The following SIN3B variants were observed in gnomAD, a reference collection of about 807,000 sequenced individuals.
The protein encoded by SIN3B is paired amphipathic helix protein Sin3b.
In SIN3B, 19 loss-of-function variants were observed where a neutral mutation model predicts 120.2. That is an observed-to-expected ratio of 0.16 (90% CI 0.11 to 0.23). The LOEUF is 0.23. SIN3B is among the 10% of genes least tolerant of loss of function. SIN3B has a pLI of 1.00. For synonymous variants in SIN3B, 654 were observed against 653.2 expected, an observed-to-expected ratio of 1.00 and a Z score of -0.02; for missense variants, 1,073 against 1,573.0, an observed-to-expected ratio of 0.68 and a Z score of 5.38.
chr19:16,854,449 T>G, intron 8 of SIN3B, 188 bp downstream of exon 8: 1 of 548,062 alleles, frequency 1.8e-6, no homozygotes. Flanking sequence ...CTGGGTACCC[T>G]CCAGCTGGTT....
intron 11 of SIN3B, 98 bp from the exon 12 acceptor site, chr19:16,866,275 C>T (rs1296668666): frequency 2.4e-6 from 3 of 1,251,000 alleles, no homozygotes; most frequent in Non-Finnish European, 3.3e-6. Flanking sequence ...GGGTCCTGGA[C>T]CCCCAGTCAA....
intron 9 of SIN3B, 34 bp from the exon 10 acceptor site, chr19:16,863,646 G>A (rs371358286): frequency 2.2e-6 from 3 of 1,385,506 alleles, no homozygotes; most frequent in African/African-American, 2.8e-5. Flanking sequence ...CCTGGGGCAT[G>A]CAGCGTCATT....
Position 16,876,433 on chromosome 19 carries a change from G to C in SIN3B, c.2767-53G>C, listed in dbSNP as rs2051608150. On this transcript the variant is annotated intron_variant, in intron 15 of 18. Coordinates refer to ENST00000248054, the MANE Select transcript of SIN3B (RefSeq NM_001297595.2). The surrounding 1 kb of genome is among the most constrained non-coding windows in gnomAD (Gnocchi z 7.1). ...GCGGGTGGCCTTGCGAGCCTGCGCT[G>C]TGCCGGCTGGGCTGTGCCGGCAGTG... The C allele has an allele frequency of 6.3e-7, 1 of 1,580,798 alleles. No homozygotes were observed. Among genetic ancestry groups the C allele is most frequent in the East Asian group, 2.2e-5 (1 of 44,612 alleles).
intron 5 of SIN3B, among the ~76,000 whole-genome samples, chr19:16,849,460 G>A (rs756405175): frequency 2.9e-4 from 44 of 152,178 alleles, no homozygotes; most frequent in Non-Finnish European, 5.9e-4. Context: ...AAAATGAATG[G>A]GCATGACTGG....
chr19:16,854,373 G>T (rs1323204919), intron 8 of SIN3B, 112 bp downstream of exon 8: 5 of 682,610 alleles, frequency 7.3e-6, no homozygotes, highest in Non-Finnish European at 1.3e-5. Flanking sequence ...CTAAAATCCT[G>T]TTTATTAATT....
intron 1 of SIN3B, 61 bp from the exon 2 acceptor site, chr19:16,829,730 C>T (rs1352309760): frequency 6.8e-7 from 1 of 1,475,646 alleles, no homozygotes; most frequent in African/African-American, 1.4e-5. Flanking sequence ...CTCAGGGACC[C>T]CGGCCCCTCG....
intron 8 of SIN3B, among the ~76,000 whole-genome samples, chr19:16,857,545 GTGTGTGTGTATA>G (rs956949101): frequency 7.0e-6 from 1 of 143,592 alleles, no homozygotes; most frequent in African/African-American, 2.6e-5. Context: ...GTGTGTGTGT[GTGTGTGTGTATA>G]TATACACATA....
At chr19:16,835,914 T>G (rs1971342179) in intron 3 of SIN3B, among the ~76,000 whole-genome samples, 1 of 152,222 alleles carries the variant, frequency 6.6e-6, no homozygotes, top group Admixed American at 6.5e-5. Context: ...GTTTTGGGAT[T>G]ACAGGTGTGA....
At chr19:16,870,485 A>G (rs1339387196) in intron 13 of SIN3B, among the ~76,000 whole-genome samples, 2 of 152,086 alleles carry the variant, frequency 1.3e-5, no homozygotes, top group Non-Finnish European at 2.9e-5. Context: ...CCCAGGTTCA[A>G]GTGATTCTCC....
At chr19:16,852,859 A>G (rs1288735817) in intron 6 of SIN3B, among the ~76,000 whole-genome samples, 1 of 152,098 alleles carries the variant, frequency 6.6e-6, no homozygotes, top group Non-Finnish European at 1.5e-5. Flanking sequence ...TGAGATGGAG[A>G]TCCCAGATTT....
In SIN3B at chr19:16,829,688, G is replaced by C. The variant is rs897245905; in HGVS notation, c.121-103G>C. ...CCCCTCACCCCTCACCTCTCACCTC[G>C]GCCCTCCGAAAGCCCAGCCCATCCC... On this transcript the variant is annotated intron_variant, in intron 1 of 18. Transcript: ENST00000248054. The C allele has an allele frequency of 2.1e-5, 22 of 1,040,968 alleles. No individual in the cohort carries two copies. The African/African-American group carries it at 4.0e-4, about 19-fold the overall frequency. 64.5% of individuals were successfully genotyped at this position (1,040,968 alleles called of 1,614,324 possible).
Position 16,871,350 on chromosome 19 carries a change from C to T in SIN3B, c.2544C>T (p.Ala848=). 8 of 1,613,748 alleles carry T rather than the reference C, an allele frequency of 5.0e-6. No homozygotes were observed. Among genetic ancestry groups the T allele is most frequent in the Non-Finnish European group, 6.8e-6 (8 of 1,179,846 alleles). The part of the protein sequence containing the change: ...DTLREMFTIH[A]YVGFTMDKLV... ...TACGCGAGATGTTCACCATCCATGC[C>T]TACGTGGGCTTCACCATGGACAAGC... The change falls in exon 14 of 19, where the codon GCC becomes GCT. Residue 848 remains alanine (A), a synonymous_variant. Coordinates refer to ENST00000248054, the MANE Select transcript of SIN3B (RefSeq NM_001297595.2).
chr19:16,832,503 T>C (rs1419124611), intron 3 of SIN3B, among the ~76,000 whole-genome samples: 1 of 146,900 alleles, frequency 6.8e-6, no homozygotes, highest in East Asian at 2.0e-4. Flanking sequence ...CAGCCTCCTT[T>C]TTTTTTTTTT....
At chr19:16,851,330 G>A in intron 5 of SIN3B, 82 bp from the exon 6 acceptor site, 6 of 1,466,004 alleles carry the variant, frequency 4.1e-6, no homozygotes, top group Non-Finnish European at 5.4e-6. Context: ...GCTGTGGGCT[G>A]AGCTGGAAGC....
At chr19:16,832,920 T>A (rs890591251) in intron 3 of SIN3B, among the ~76,000 whole-genome samples, 9 of 152,298 alleles carry the variant, frequency 5.9e-5, no homozygotes, top group African/African-American at 2.2e-4. Flanking sequence ...TTTTTCCACC[T>A]CAACACTATT....
chr19:16,866,965 C>T (rs893146034), intron 12 of SIN3B, among the ~76,000 whole-genome samples: 1 of 152,142 alleles, frequency 6.6e-6, no homozygotes, highest in African/African-American at 2.4e-5. Flanking sequence ...CCATGTTGGC[C>T]AGGCTGGTCT....
intron 8 of SIN3B, among the ~76,000 whole-genome samples, chr19:16,859,949 C>A (rs1971664530): frequency 1.3e-5 from 2 of 152,222 alleles, no homozygotes; most frequent in South Asian, 4.2e-4. Context: ...TGTAAAATGG[C>A]CATACCTCCC....
intron 4 of SIN3B, 85 bp from the exon 5 acceptor site, chr19:16,846,885 T>A: frequency 6.9e-7 from 1 of 1,449,452 alleles, no homozygotes; most frequent in Non-Finnish European, 9.5e-7. Flanking sequence ...CCTGTCCCCT[T>A]CACGGAGGGC....
rs181977641 is a variant in SIN3B, at chr19:16,865,342, C to T, written c.1384-68C>T. The T allele has an allele frequency of 3.9e-3, 2,925 of 743,766 alleles. 13 individuals carry two copies. The highest frequency in any genetic ancestry group is 5.2e-3 in the Non-Finnish European group (2,415 of 467,728). The allele number at this position is 743,766 out of a possible 1,614,324, so 46.1% of individuals were successfully genotyped here. A position where few individuals can be genotyped will look rare whatever the true frequency, so the allele number is the denominator to read the frequency against. ...AAAAAAATCCTCTGGTCTCTGAGGT[C>T]CCAGGCTCCTCTCTGAGGCCTCTTG... On this transcript the variant is annotated intron_variant, in intron 10 of 18. Coordinates refer to ENST00000248054, the MANE Select transcript of SIN3B (RefSeq NM_001297595.2).
Sources: allele counts gnomAD v4.1 joint callset (sites outside exome capture counted in the v4.1 genomes callset), GRCh38; gene constraint gnomAD v4.1.1; non-coding constraint Gnocchi (gnomAD v3.1); transcripts MANE v1.5; gene names NCBI Gene and HGNC (gene_info 2026-07-23, HGNC 2026-07-21).